PIK3CB: variants seen among roughly 807,000 people sequenced by gnomAD.
PIK3CB encodes the protein phosphatidylinositol-4,5-bisphosphate 3-kinase catalytic subunit beta.
A neutral mutation model predicts 136.8 loss-of-function variants in PIK3CB; 39 were observed. The observed-to-expected ratio is 0.29, with a 90% CI of 0.22 to 0.37. The LOEUF is 0.37. Ranked by LOEUF, PIK3CB falls within the 10% of genes least tolerant of loss-of-function variation. PIK3CB has a pLI of 1.00. For missense variants in PIK3CB, 868 were observed against 1,275.4 expected (o/e 0.68, Z 4.87); for synonymous variants, 428 against 436.6 (o/e 0.98, Z 0.25).
At chr3:138,711,083 CAA>C (rs571403491) in intron 10 of PIK3CB, among the ~76,000 whole-genome samples, 24 of 133,478 alleles carry the variant, frequency 1.8e-4, no homozygotes, top group Non-Finnish European at 3.7e-4. Context: ...GACTCCATCT[CAA>C]AAAAAAAAAA....
intron 4 of PIK3CB, among the ~76,000 whole-genome samples, chr3:138,746,671 A>T (rs568716370): frequency 1.1e-4 from 16 of 152,100 alleles, no homozygotes; most frequent in South Asian, 4.1e-4. Flanking sequence ...AAAAATAAAT[A>T]AATTAATTAA....
At chr3:138,768,584 G>T (rs954171458) in intron 2 of PIK3CB, among the ~76,000 whole-genome samples, 2 of 152,166 alleles carry the variant, frequency 1.3e-5, no homozygotes, top group Admixed American at 6.5e-5. Context: ...GCTCATTGAG[G>T]ACCCAACCTA....
intron 2 of PIK3CB, among the ~76,000 whole-genome samples, chr3:138,769,829 T>C (rs1234924194): frequency 6.6e-6 from 1 of 152,166 alleles, no homozygotes; most frequent in African/African-American, 2.4e-5. Flanking sequence ...CTGAGAGAAG[T>C]GACTCAGAGT....
At chr3:138,782,935 A>G (rs2045937366) in intron 2 of PIK3CB, among the ~76,000 whole-genome samples, 1 of 152,218 alleles carries the variant, frequency 6.6e-6, no homozygotes, top group Admixed American at 6.5e-5. Flanking sequence ...AAGTAGCTGC[A>G]AGGCCATGAT....
At chr3:138,762,950 A>G (rs2045681934) in intron 2 of PIK3CB, among the ~76,000 whole-genome samples, 1 of 152,038 alleles carries the variant, frequency 6.6e-6, no homozygotes, top group Admixed American at 6.6e-5. Flanking sequence ...ACAGAGTGAG[A>G]GTCTGCCTCA....
intron 19 of PIK3CB, among the ~76,000 whole-genome samples, chr3:138,678,177 A>G (rs892363542): frequency 1.3e-5 from 2 of 151,984 alleles, no homozygotes; most frequent in Admixed American, 1.3e-4. Flanking sequence ...AGTCCTAGCT[A>G]CTCAAGAAGC....
chr3:138,721,220 T>C (rs1457321716), intron 8 of PIK3CB, among the ~76,000 whole-genome samples: 2 of 152,078 alleles, frequency 1.3e-5, no homozygotes, highest in East Asian at 1.9e-4. Flanking sequence ...TGGAGTGCAA[T>C]GGCATGATCT....
intron 10 of PIK3CB, among the ~76,000 whole-genome samples, chr3:138,711,392 C>A (rs2044494770): frequency 6.6e-6 from 1 of 151,666 alleles, no homozygotes; most frequent in African/African-American, 2.4e-5. Flanking sequence ...CCAGCCTGAC[C>A]AACATGGAGA....
chr3:138,804,104 G>A (rs1306032237), intron 1 of PIK3CB, among the ~76,000 whole-genome samples: 1 of 152,070 alleles, frequency 6.6e-6, no homozygotes, highest in African/African-American at 2.4e-5. Context: ...CAGAAGGATT[G>A]CTTGAGCCCA....
chr3:138,777,269 G>C (rs1210578160), intron 2 of PIK3CB, among the ~76,000 whole-genome samples: 1 of 152,172 alleles, frequency 6.6e-6, no homozygotes, highest in African/African-American at 2.4e-5. Context: ...TTCAGTGATG[G>C]CTTGACCTCT....
intron 2 of PIK3CB, among the ~76,000 whole-genome samples, chr3:138,794,535 A>G (rs954653930): frequency 6.6e-6 from 1 of 152,184 alleles, no homozygotes; most frequent in African/African-American, 2.4e-5. Context: ...TGACACTGGT[A>G]ATTGAAATAA....
chr3:138,697,083 T>C (rs1301514815), intron 13 of PIK3CB, among the ~76,000 whole-genome samples: 1 of 152,240 alleles, frequency 6.6e-6, no homozygotes, highest in Admixed American at 6.5e-5. Context: ...CAAACCTCTC[T>C]ATAAGACAGC....
chr3:138,686,081 G>T (rs907253829), intron 16 of PIK3CB, among the ~76,000 whole-genome samples: 1 of 152,098 alleles, frequency 6.6e-6, no homozygotes, highest in Non-Finnish European at 1.5e-5. Context: ...AGGCTGCAGT[G>T]AGCCAAGATC....
intron 2 of PIK3CB, among the ~76,000 whole-genome samples, chr3:138,770,852 C>T (rs2045790565): frequency 6.6e-6 from 1 of 151,742 alleles, no homozygotes; most frequent in South Asian, 2.1e-4. Context: ...GCTGGTATTA[C>T]AGGCACCTGC....
At chr3:138,693,967 T>TATA (rs2044075961) in intron 14 of PIK3CB, among the ~76,000 whole-genome samples, 1 of 17,504 alleles carries the variant, frequency 5.7e-5, no homozygotes, top group Non-Finnish European at 8.3e-5. Context: ...ATATATATAT[T>TATA]ATATATATAT....
At position 138,805,162 on chromosome 3, in the gene PIK3CB, G is replaced by A. The variant is rs117778562; in HGVS notation, c.-121-8595C>T. Among the ~76,000 whole-genome samples the A allele has an allele frequency of 3.7e-4, 56 of 151,046 alleles. 3 individuals are homozygous for A. The East Asian group carries it at 6.9e-3, about 19-fold the overall frequency. The stretch of plus-strand genomic sequence containing the variant: ...CCAGCCTGGCCAACGTGACAAAACC[G>A]TCTCTGCTTAAAATAAAAAAATTAG... On this transcript the variant is annotated intron_variant, in intron 1 of 23. Coordinates refer to ENST00000674063, the MANE Select transcript of PIK3CB (RefSeq NM_006219.3).
chr3:138,814,739 C>G (rs1365399984), intron 1 of PIK3CB, among the ~76,000 whole-genome samples: 1 of 152,062 alleles, frequency 6.6e-6, no homozygotes, highest in Non-Finnish European at 1.5e-5. Flanking sequence ...GCATGGCTCA[C>G]ACCTGTAATC....
intron 17 of PIK3CB, 53 bp downstream of exon 17, chr3:138,684,572 A>C (rs1038231951): frequency 1.3e-4 from 183 of 1,355,732 alleles, no homozygotes; most frequent in Non-Finnish European, 1.7e-4. Flanking sequence ...TAAGGCAGTG[A>C]CTTTCTGCTT....
Position 138,796,510 on chromosome 3 carries a change from T to C in PIK3CB, c.-64A>G, listed in dbSNP as rs2046111007. 1 of 152,106 alleles carries C rather than the reference T, an allele frequency of 6.6e-6. No homozygotes were observed. The highest frequency in any genetic ancestry group is 6.6e-5 in the Admixed American group (1 of 15,252). The allele number at this position is 152,106 out of a possible 1,614,324, so 9.4% of individuals were successfully genotyped here. A position where few individuals can be genotyped will look rare whatever the true frequency, so the allele number is the denominator to read the frequency against. ...CAGTCTTTTAGGAAAACAGATGGCA[T>C]TACTTATTTTTTAAAAGTGACGTTT... On this transcript the variant is annotated 5_prime_UTR_variant, in exon 2 of 24. It removes an upstream start codon present in the reference 5' UTR. Coordinates refer to ENST00000674063, the MANE Select transcript of PIK3CB (RefSeq NM_006219.3).
Sources: allele counts gnomAD v4.1 joint callset (sites outside exome capture counted in the v4.1 genomes callset), GRCh38; gene constraint gnomAD v4.1.1; transcripts MANE v1.5; gene names NCBI Gene and HGNC (gene_info 2026-07-23, HGNC 2026-07-21).